Variants in FTCDNL1 observed in about 807,000 individuals in gnomAD.
FTCDNL1 encodes formiminotransferase cyclodeaminase N-terminal like, also known as formiminotransferase N-terminal subdomain-containing protein.
In FTCDNL1, 11 loss-of-function variants were observed where a neutral mutation model predicts 5.9. The ratio of observed to expected loss-of-function variants is 1.87; its 90% CI spans 1.18 to 3.10. The LOEUF is 3.10. FTCDNL1 is among the 30% of genes most tolerant of loss of function. The probability of loss-of-function intolerance (pLI) is 0.00; values close to 1 mark genes in which losing one functional copy is unlikely to be tolerated. For synonymous variants in FTCDNL1, 58 were observed against 24.8 expected, an observed-to-expected ratio of 2.34 and a Z score of -3.99; for missense variants, 115 against 65.5, an observed-to-expected ratio of 1.76 and a Z score of -2.61.
chr2:199,808,680 G>A (rs1483083140), downstream of FTCDNL1, among the ~76,000 whole-genome samples: 1 of 152,136 alleles, frequency 6.6e-6, no homozygotes, highest in Admixed American at 6.6e-5. Flanking sequence ...TGAATCAGTG[G>A]CACCATGTGC....
intron 3 of FTCDNL1, among the ~76,000 whole-genome samples, chr2:199,842,305 T>C (rs2076611961): frequency 6.6e-6 from 1 of 152,018 alleles, no homozygotes; most frequent in Admixed American, 6.6e-5. Flanking sequence ...TAATCTGGCC[T>C]CTGATTACCT....
At chr2:199,762,119 G>A (rs140969903) in intron 3 of FTCDNL1, among the ~76,000 whole-genome samples, 1,674 of 152,250 alleles carry the variant, frequency 0.011, 32 homozygotes, top group African/African-American at 0.037. Flanking sequence ...GGTGGCTCAC[G>A]CCTATAATCC....
At chr2:199,837,857 C>T (rs1329596338) in intron 3 of FTCDNL1, among the ~76,000 whole-genome samples, 3 of 152,108 alleles carry the variant, frequency 2.0e-5, no homozygotes, top group African/African-American at 7.2e-5. Flanking sequence ...ATTGTGCAAA[C>T]ATTCATTTGA....
At chr2:199,731,155 GAC>G in the FTCDNL1 span, among the ~76,000 whole-genome samples, 1 of 152,144 alleles carries the variant, frequency 6.6e-6, no homozygotes, top group Non-Finnish European at 1.5e-5. Context: ...AGATCACATG[GAC>G]ACAGGGAGGG....
At chr2:199,737,106 ATGT>A in the FTCDNL1 span, among the ~76,000 whole-genome samples, 1 of 152,214 alleles carries the variant, frequency 6.6e-6, no homozygotes, top group African/African-American at 2.4e-5. Context: ...GAGAGCTGTG[ATGT>A]TGTTAAGAGC....
At chr2:199,775,006 T>C (rs1361160599) in intron 3 of FTCDNL1, among the ~76,000 whole-genome samples, 1 of 152,188 alleles carries the variant, frequency 6.6e-6, no homozygotes, top group South Asian at 2.1e-4. Flanking sequence ...TGCTATCCCA[T>C]CCCTGTTCAC....
chr2:199,844,645 A>AT, intron 3 of FTCDNL1: 1 of 420,444 alleles, frequency 2.4e-6, no homozygotes, highest in Non-Finnish European at 4.2e-6. Flanking sequence ...TGTGTAGAAG[A>AT]TTTTTTGTCC....
At chr2:199,685,678 C>A in the FTCDNL1 span, among the ~76,000 whole-genome samples, 1 of 152,180 alleles carries the variant, frequency 6.6e-6, no homozygotes, top group Admixed American at 6.5e-5. Flanking sequence ...TTTTTAAAAT[C>A]CTATGTTCCT....
the FTCDNL1 span, among the ~76,000 whole-genome samples, chr2:199,713,740 C>CT: frequency 6.6e-6 from 1 of 152,236 alleles, no homozygotes; most frequent in Non-Finnish European, 1.5e-5. Flanking sequence ...ACCTAAGGTA[C>CT]TTAGCTATAT....
At chr2:199,762,025 TACACTA>T (rs1315152620) in intron 3 of FTCDNL1, among the ~76,000 whole-genome samples, 3 of 152,122 alleles carry the variant, frequency 2.0e-5, no homozygotes, top group Non-Finnish European at 2.9e-5. Context: ...ACACATAAAA[TACACTA>T]ACACTAACGA....
downstream of FTCDNL1, among the ~76,000 whole-genome samples, chr2:199,805,786 G>A (rs542058895): frequency 6.6e-6 from 1 of 151,980 alleles, no homozygotes; most frequent in Non-Finnish European, 1.5e-5. Flanking sequence ...AGGTGTAGTG[G>A]TGTGCACCTG....
intron 3 of FTCDNL1, among the ~76,000 whole-genome samples, chr2:199,769,288 CAT>C (rs1187401256): frequency 3.3e-5 from 5 of 152,152 alleles, no homozygotes; most frequent in South Asian, 2.1e-4. Context: ...ATTATCCCCA[CAT>C]GTCAGGGGTG....
chr2:199,718,820 T>C, the FTCDNL1 span, among the ~76,000 whole-genome samples: 1 of 152,194 alleles, frequency 6.6e-6, no homozygotes, highest in Non-Finnish European at 1.5e-5. Context: ...TTTTTCATGT[T>C]TCTTGGCCAA....
intron 4 of FTCDNL1, among the ~76,000 whole-genome samples, chr2:199,813,453 A>G (rs1452686829): frequency 1.3e-5 from 2 of 152,010 alleles, no homozygotes; most frequent in Non-Finnish European, 2.9e-5. Flanking sequence ...ATTATATTAT[A>G]CTCCTCTTTG....
At chr2:199,686,908 T>A in the FTCDNL1 span, among the ~76,000 whole-genome samples, 1 of 152,108 alleles carries the variant, frequency 6.6e-6, no homozygotes, top group African/African-American at 2.4e-5. Flanking sequence ...ATGGCAAAAG[T>A]TTGGTAATTA....
chr2:199,696,776 G>A, the FTCDNL1 span, among the ~76,000 whole-genome samples: 1 of 152,168 alleles, frequency 6.6e-6, no homozygotes, highest in South Asian at 2.1e-4. Context: ...GACTGCACTA[G>A]CTCCCCAGCA....
At chr2:199,830,855 G>A (rs140447390) in intron 3 of FTCDNL1, among the ~76,000 whole-genome samples, 1,727 of 152,176 alleles carry the variant, frequency 0.011, 12 homozygotes, top group Non-Finnish European at 0.017. Context: ...CTAAGGGACT[G>A]AAAAAAATAA....
chr2:199,721,868 A>G, the FTCDNL1 span, among the ~76,000 whole-genome samples: 1 of 152,154 alleles, frequency 6.6e-6, no homozygotes, highest in African/African-American at 2.4e-5. Flanking sequence ...GCATTTCAAT[A>G]TCAATCAGTG....
At chr2:199,817,515 G>A (rs143227029) in intron 4 of FTCDNL1, among the ~76,000 whole-genome samples, 6 of 152,022 alleles carry the variant, frequency 3.9e-5, no homozygotes, top group East Asian at 3.9e-4. Flanking sequence ...GGCCAGGCAC[G>A]GGGGGTCACG....
Sources: allele counts gnomAD v4.1 joint callset (sites outside exome capture counted in the v4.1 genomes callset), GRCh38; gene constraint gnomAD v4.1.1; transcripts MANE v1.5; gene names NCBI Gene and HGNC (gene_info 2026-07-23, HGNC 2026-07-21).